DNAAF1: variants seen among roughly 807,000 people sequenced by gnomAD.
DNAAF1 encodes dynein axonemal assembly factor 1.
A neutral mutation model predicts 71.1 loss-of-function variants in DNAAF1; 65 were observed. The observed-to-expected ratio is 0.91, with a 90% CI of 0.75 to 1.12. The LOEUF is 1.12. Ranked by LOEUF, DNAAF1 falls within the 50% of genes most tolerant of loss-of-function variation. The pLI is 0.00. For synonymous variants in DNAAF1, 414 were observed against 354.6 expected, an observed-to-expected ratio of 1.17 and a Z score of -1.88; for missense variants, 1,178 against 899.8, an observed-to-expected ratio of 1.31 and a Z score of -3.96.
rs764511452 is a variant in DNAAF1, at chr16:84,175,969, T to C, written c.1735T>C (p.Leu579=). Residue 579 remains leucine (L), a synonymous_variant, in exon 11 of 12, where the codon TTG becomes CTG. Transcript: ENST00000378553. ...TCCGAAGATTGAGGTCATCTCGAGCTTGAGTGATGACAGTGACCCTGAACT... is the reference window on the plus strand; with the variant it reads ...TCCGAAGATTGAGGTCATCTCGAGCCTGAGTGATGACAGTGACCCTGAACT... ...CFPKIEVISS[L]SDDSDPELDY... 20 of 1,614,046 alleles carry C rather than the reference T, an allele frequency of 1.2e-5. No homozygotes were observed. In the African/African-American group the frequency reaches 2.5e-4, roughly 20 times the overall value.
At chr16:84,147,701 G>T (rs72800710) in intron 1 of DNAAF1, among the ~76,000 whole-genome samples, 6,095 of 151,674 alleles carry the variant, frequency 0.04, 176 homozygotes, top group Middle Eastern at 0.14. Flanking sequence ...AATTGAAAAT[G>T]AGTAACATTT....
chr16:84,172,744 A>G, intron 9 of DNAAF1: 3 of 1,161,330 alleles, frequency 2.6e-6, no homozygotes, highest in Non-Finnish European at 3.2e-6. Flanking sequence ...TGAGAGTTAC[A>G]TTGTATCATC....
chr16:84,149,087 G>A lies in DNAAF1; in HGVS notation c.205G>A (p.Gly69Arg), dbSNP rs1288790673. Residue 69 changes from glycine to arginine, a missense_variant, in exon 2 of 12, where the codon GGG becomes AGG. Physicochemically the swap from Gly to Arg is moderately radical, Grantham distance 125 (BLOSUM62 -2). Coordinates refer to ENST00000378553, the MANE Select transcript of DNAAF1 (RefSeq NM_178452.6). Reference protein sequence around the residue: ...HSQQKQSGDNGSGGHFAHPRE... With the variant: ...HSQQKQSGDNRSGGHFAHPRE... ...CCAGCAGAAACAGAGTGGTGATAATGGGTCAGGTGGTCACTTCGCACACCC... is the reference window on the plus strand; with the variant it reads ...CCAGCAGAAACAGAGTGGTGATAATAGGTCAGGTGGTCACTTCGCACACCC... 2 of 1,614,144 alleles carry A rather than the reference G, an allele frequency of 1.2e-6. No homozygotes were observed. The highest frequency in any genetic ancestry group is 2.2e-5 in the East Asian group (1 of 44,862).
chr16:84,156,207 C>A (rs1364046933), intron 5 of DNAAF1, among the ~76,000 whole-genome samples: 1 of 152,188 alleles, frequency 6.6e-6, no homozygotes, highest in Non-Finnish European at 1.5e-5. Flanking sequence ...GAGTGATCCA[C>A]CCGCCTCAAC....
chr16:84,154,439 T>C (rs2087318146), intron 3 of DNAAF1, 138 bp from the exon 4 acceptor site: 1 of 776,586 alleles, frequency 1.3e-6, no homozygotes, highest in African/African-American at 1.7e-5. Context: ...ACCATCACAT[T>C]AGGGGTTAGG....
At chr16:84,161,138 G>A (rs1015915382) in intron 6 of DNAAF1, among the ~76,000 whole-genome samples, 8 of 152,128 alleles carry the variant, frequency 5.3e-5, no homozygotes, top group Admixed American at 3.9e-4. Flanking sequence ...CTGGGCGCAC[G>A]TTCCTCATCT....
rs554259554 is a variant in DNAAF1 at position 84,154,428 on chromosome 16, T to C, written c.353-149T>C. ...ACCTCCCAAAAGTCCCACCTCCTAATACCATCACATTAGGGGTTAGGATTT... is the reference window on the plus strand; with the variant it reads ...ACCTCCCAAAAGTCCCACCTCCTAACACCATCACATTAGGGGTTAGGATTT... On this transcript the variant is annotated intron_variant, in intron 3 of 11. Coordinates refer to ENST00000378553, the MANE Select transcript of DNAAF1 (RefSeq NM_178452.6). The C allele has an allele frequency of 1.3e-4, 95 of 746,786 alleles. 2 individuals are homozygous for C. In the South Asian group the frequency reaches 1.4e-3, roughly 11 times the overall value. 46.3% of individuals were successfully genotyped at this position (746,786 alleles called of 1,614,324 possible).
chr16:84,150,771 G>A (rs1446101015), intron 3 of DNAAF1, among the ~76,000 whole-genome samples: 4 of 151,774 alleles, frequency 2.6e-5, no homozygotes, highest in East Asian at 3.9e-4. Flanking sequence ...CCACCACCAC[G>A]CCTTGCTAAT....
chr16:84,150,352 TA>T lies in DNAAF1; in HGVS notation c.352+12del. On this transcript the variant is annotated intron_variant, in intron 3 of 11. Coordinates refer to ENST00000378553, the MANE Select transcript of DNAAF1 (RefSeq NM_178452.6). ...TATTTACACTTTAAAGGTAAGGACC[TA>T]AGAGAGGAAGTGCTTCACGTCAGGT... is the stretch of plus-strand genomic sequence containing the variant. The T allele has an allele frequency of 6.3e-7, 1 of 1,591,754 alleles. No individual in the cohort carries two copies. Among genetic ancestry groups the T allele is most frequent in the Non-Finnish European group, 8.6e-7 (1 of 1,159,564 alleles).
rs1001491611 is a variant in DNAAF1, at chr16:84,145,328, G to A, written c.-113G>A. On this transcript the variant is annotated 5_prime_UTR_variant, in exon 1 of 12. Transcript: ENST00000378553. Reference sequence around the variant, plus strand: ...GGGCTGTAAAGACTAGGGCGCCAGCGGCTGGCGAAGAAGGAAAGAGGGTAC... The same window carrying A: ...GGGCTGTAAAGACTAGGGCGCCAGCAGCTGGCGAAGAAGGAAAGAGGGTAC... The A allele has an allele frequency of 2.7e-6, 4 of 1,502,792 alleles. No individual in the cohort carries two copies. Among genetic ancestry groups the A allele is most frequent in the African/African-American group, 2.8e-5 (2 of 72,366 alleles). 93.1% of individuals were successfully genotyped at this position (1,502,792 alleles called of 1,614,324 possible).
At chr16:84,163,514 G>A (rs1186310217) in intron 6 of DNAAF1, among the ~76,000 whole-genome samples, 2 of 151,942 alleles carry the variant, frequency 1.3e-5, no homozygotes, top group African/African-American at 2.4e-5. Context: ...CCTAGTAGCT[G>A]GGATTACAGG....
chr16:84,173,440 G>A, intron 9 of DNAAF1: 1 of 963,176 alleles, frequency 1.0e-6, no homozygotes, highest in Non-Finnish European at 1.2e-6. Context: ...CTCCAACCTG[G>A]GCGACAGAGC....
intron 4 of DNAAF1, among the ~76,000 whole-genome samples, chr16:84,155,036 A>G (rs1210299335): frequency 2.6e-5 from 4 of 151,544 alleles, no homozygotes; most frequent in Non-Finnish European, 5.9e-5. Context: ...AGCCTCCAAA[A>G]TAGCTGGGAC....
chr16:84,150,402 A>G, intron 3 of DNAAF1, 60 bp downstream of exon 3: 1 of 1,337,954 alleles, frequency 7.5e-7, no homozygotes. Flanking sequence ...CTAGCGGTAT[A>G]AAAAATTACT....
At chr16:84,154,028 C>G (rs1285022735) in intron 3 of DNAAF1, among the ~76,000 whole-genome samples, 1 of 152,118 alleles carries the variant, frequency 6.6e-6, no homozygotes, top group Admixed American at 6.5e-5. Flanking sequence ...CACCGTGACT[C>G]TGATAGGCTG....
At chr16:84,171,327 C>T (rs1011748099) in intron 8 of DNAAF1, among the ~76,000 whole-genome samples, 1 of 151,992 alleles carries the variant, frequency 6.6e-6, no homozygotes, top group Non-Finnish European at 1.5e-5. Context: ...TAGTGGTGAC[C>T]ACTTGTAGTC....
chr16:84,169,751 G>T, intron 7 of DNAAF1, 108 bp from the exon 8 acceptor site: 1 of 1,512,338 alleles, frequency 6.6e-7, no homozygotes, highest in South Asian at 1.1e-5. Context: ...CTGTGTTCCT[G>T]ACCTTTTCCC....
chr16:84,177,636 C>G (rs776476769), intron 11 of DNAAF1, 93 bp from the exon 12 acceptor site: 22 of 1,090,424 alleles, frequency 2.0e-5, no homozygotes, highest in Non-Finnish European at 3.0e-5. Flanking sequence ...GTTGAGGACA[C>G]TGAATTTGGC....
chr16:84,145,437 A>G lies in DNAAF1; in HGVS notation c.-4A>G, dbSNP rs762251379. The G allele has an allele frequency of 1.9e-6, 3 of 1,580,794 alleles. No individual in the cohort carries two copies. The South Asian group carries it at 3.5e-5, about 18-fold the overall frequency. Reference sequence around the variant, plus strand: ...GCGGGGCGTTCGGTGTCGCCGAAGTAAACATGCACCCTGAGCCCTCGGAGC... The same window carrying G: ...GCGGGGCGTTCGGTGTCGCCGAAGTGAACATGCACCCTGAGCCCTCGGAGC... On this transcript the variant is annotated 5_prime_UTR_variant, in exon 1 of 12. Coordinates refer to ENST00000378553, the MANE Select transcript of DNAAF1 (RefSeq NM_178452.6).
Sources: gnomAD v4.1 joint callset for allele counts (sites outside exome capture counted in the v4.1 genomes callset) on GRCh38, gnomAD v4.1.1 for gene constraint, MANE v1.5 for transcripts, NCBI Gene and HGNC (gene_info 2026-07-23, HGNC 2026-07-21) for gene names.